TEP1: variants seen among roughly 807,000 people sequenced by gnomAD.
The protein encoded by TEP1 is telomerase protein component 1.
TEP1 carries 241 observed loss-of-function variants against 306.3 expected under a neutral mutation model. That is an observed-to-expected ratio of 0.79 (90% CI 0.71 to 0.88). The LOEUF is 0.88. Among genes scored for constraint, TEP1 ranks in the 40% least tolerant of loss-of-function variants. TEP1 has a pLI of 0.00. For missense variants in TEP1, 3,051 were observed against 3,276.1 expected (o/e 0.93, Z 1.68); for synonymous variants, 1,289 against 1,305.5 (o/e 0.99, Z 0.27).
rs200148837 is a variant in TEP1, at chr14:20,385,485, G to A, written c.2983-376C>T. ...CCTCCTCGGTTCAAGCAATTCTCCT[G>A]CCTCAGCCTCCTGAGTAGCTGGGAT... On this transcript the variant is annotated intron_variant, in intron 20 of 54. Transcript: ENST00000262715. Among the ~76,000 whole-genome samples, 20 of 152,188 alleles carry A rather than the reference G, an allele frequency of 1.3e-4. No individual in the cohort carries two copies. The East Asian group carries it at 3.9e-3, about 29-fold the overall frequency.
rs1188138295 is a variant in TEP1 at position 20,379,085 on chromosome 14, A to C, written c.5148T>G (p.Ser1716Arg). 1.2e-6 allele frequency: 2 copies of C among 1,614,148 alleles called. No homozygotes were observed. The highest frequency in any genetic ancestry group is 3.3e-5 in the Admixed American group (2 of 60,020). Reference sequence around the variant, plus strand: ...AACAAGCAGAGATTCCATCACAGCCACTCACCACAGACTTCTCCTCCTGCG... The same window carrying C: ...AACAAGCAGAGATTCCATCACAGCCCCTCACCACAGACTTCTCCTCCTGCG... ...RTWQEEKSVV[S>R]GCDGISACLF... Residue 1716 changes from serine (S) to arginine (R), a missense_variant, in exon 36 of 55, where the codon AGT becomes AGG. Transcript: ENST00000262715.
intron 2 of TEP1, among the ~76,000 whole-genome samples, chr14:20,407,309 C>A (rs1391445733): frequency 3.3e-5 from 5 of 152,196 alleles, no homozygotes; most frequent in Non-Finnish European, 7.3e-5. Context: ...TAAGCTGGCT[C>A]ACCTGAACAG....
In TEP1 at chr14:20,389,868, T is replaced by G. The variant is rs1332571403; in HGVS notation, c.2335-128A>C. ...GAGGAGTACCTCTCCTGAGAGCACA[T>G]AGAATGAGGGAAGCCACTGCATTTT... On this transcript the variant is annotated intron_variant, in intron 15 of 54. Coordinates refer to ENST00000262715, the MANE Select transcript of TEP1 (RefSeq NM_007110.5). 3 of 1,247,890 alleles carry G rather than the reference T, an allele frequency of 2.4e-6. No individual in the cohort carries two copies. The East Asian group carries it at 7.4e-5, about 31-fold the overall frequency. 77.3% of individuals were successfully genotyped at this position (1,247,890 alleles called of 1,614,324 possible). A position where few individuals can be genotyped will look rare whatever the true frequency, so the allele number is the denominator to read the frequency against.
chr14:20,409,797 G>A (rs1044462523), intron 1 of TEP1, among the ~76,000 whole-genome samples: 3 of 151,996 alleles, frequency 2.0e-5, no homozygotes, highest in Non-Finnish European at 4.4e-5. Context: ...GAGGCGGGCG[G>A]ATCACAAGGT....
chr14:20,406,152 G>A, intron 3 of TEP1, 81 bp downstream of exon 3: 1 of 1,417,346 alleles, frequency 7.1e-7, no homozygotes, highest in Non-Finnish European at 9.8e-7. Context: ...TCCAACTGGG[G>A]AGGGGACCTG....
chr14:20,405,186 T>C (rs1428426455), intron 4 of TEP1, among the ~76,000 whole-genome samples: 1 of 152,220 alleles, frequency 6.6e-6, no homozygotes, highest in Non-Finnish European at 1.5e-5. Flanking sequence ...ATTTGTATGA[T>C]ATTTGGAAAA....
intron 15 of TEP1, 33 bp from the exon 16 acceptor site, chr14:20,389,773 A>T: frequency 6.2e-7 from 1 of 1,612,742 alleles, no homozygotes; most frequent in Non-Finnish European, 8.5e-7. Flanking sequence ...ATGCTAGAGA[A>T]GGGATGCTAG....
intron 27 of TEP1, 87 bp downstream of exon 27, chr14:20,383,087 C>T: frequency 7.0e-7 from 1 of 1,424,592 alleles, no homozygotes; most frequent in Non-Finnish European, 9.5e-7. Context: ...CAGGTCTGTG[C>T]AAGGCAGCTA....
intron 28 of TEP1, 48 bp from the exon 29 acceptor site, chr14:20,382,404 C>G: frequency 6.4e-7 from 1 of 1,571,552 alleles, no homozygotes; most frequent in Non-Finnish European, 8.6e-7. Flanking sequence ...GGAGGAGAAG[C>G]AGCTTGGCTT....
At chr14:20,403,485 A>G (rs1295196753) in intron 6 of TEP1, 37 bp from the exon 7 acceptor site, 8 of 1,613,180 alleles carry the variant, frequency 5.0e-6, no homozygotes, top group Non-Finnish European at 5.9e-6. Flanking sequence ...AAAAAAGGGA[A>G]CTGGCTGTCC....
At chr14:20,389,192 C>A in intron 17 of TEP1, 46 bp downstream of exon 17, 2 of 1,543,954 alleles carry the variant, frequency 1.3e-6, no homozygotes, top group African/African-American at 1.4e-5. Context: ...CTCCTAAAAA[C>A]TTTCCAACAA....
At chr14:20,383,151 C>T in intron 27 of TEP1, 23 bp downstream of exon 27, 1 of 1,559,822 alleles carries the variant, frequency 6.4e-7, no homozygotes, top group Non-Finnish European at 8.7e-7. Flanking sequence ...CACACACCCA[C>T]CGGCCCCGGC....
Position 20,373,706 on chromosome 14 carries a change from G to C in TEP1, c.6576C>G (p.His2192Gln), listed in dbSNP as rs748648622. 1.3e-5 allele frequency: 21 copies of C among 1,614,228 alleles called. No individual in the cohort carries two copies. The highest frequency in any genetic ancestry group is 1.6e-4 in the Middle Eastern group (1 of 6,062). Residue 2192 changes from histidine (H) to glutamine (Q), a missense_variant, in exon 45 of 55, where the codon CAC becomes CAG. His to Gln is a conservative substitution (Grantham distance 24). Around this residue, in one of 3 missense-constraint regions of TEP1, gnomAD observed 1,540 missense variants for 1,705.9 expected, o/e 0.90. Transcript: ENST00000262715. ...SIPAHSGPIS[H>Q]CAAAMEPRAA... ...CACGGGGCTCCATGGCAGCTGCACAGTGGCTAATGGGTCCTGAGTGAGCAG... is the reference window on the plus strand; with the variant it reads ...CACGGGGCTCCATGGCAGCTGCACACTGGCTAATGGGTCCTGAGTGAGCAG...
intron 40 of TEP1, 23 bp downstream of exon 40, chr14:20,377,577 C>T (rs778175315): frequency 1.2e-6 from 2 of 1,613,932 alleles, no homozygotes; most frequent in African/African-American, 1.3e-5. Flanking sequence ...GGCTCAAAAA[C>T]CCACCCATTC....
Position 20,382,036 on chromosome 14 carries a change from A to T in TEP1, c.4301T>A (p.Val1434Glu). The part of the protein sequence containing the change: ...SGLTVDQLHG[V>E]LSVWRTLPKG... ...CGGTAGTGTCCGCCACACACTCAGC[A>T]CTCCGTGCAGCTGGTCCACAGTCAA... The change falls in exon 30 of 55, where the codon GTG (valine) becomes GAG (glutamate). Residue 1434 changes from valine (V) to glutamate (E), a missense_variant. Physicochemically the swap from Val to Glu is moderately radical, Grantham distance 121 (BLOSUM62 -2). Transcript: ENST00000262715. 2 of 1,613,886 alleles carry T rather than the reference A, an allele frequency of 1.2e-6. No homozygotes were observed. The highest frequency in any genetic ancestry group is 1.7e-6 in the Non-Finnish European group (2 of 1,179,968).
chr14:20,398,046 C>A (rs148176617), intron 9 of TEP1, among the ~76,000 whole-genome samples: 2,251 of 151,902 alleles, frequency 0.015, 60 homozygotes, highest in African/African-American at 0.052. Flanking sequence ...AGCCACCATG[C>A]CCAGCCCATA....
intron 23 of TEP1, 32 bp downstream of exon 23, chr14:20,384,359 C>T (rs773397173): frequency 1.2e-6 from 2 of 1,613,496 alleles, no homozygotes; most frequent in Non-Finnish European, 8.5e-7. Flanking sequence ...ATGTCCCTCT[C>T]CATGCCTCTG....
At position 20,381,010 on chromosome 14, in the gene TEP1, G is replaced by C. The variant is rs2228039; in HGVS notation, c.4683C>G (p.Phe1561Leu). ...CAGCCACCACATGGAGGTTGGTAAG[G>C]AACTTCGAAAGAAGTCCACGGTTCC... ...QSGNRGLLSK[F>L]LTNLHVVAAH... Residue 1561 changes from phenylalanine (F) to leucine (L), a missense_variant, in exon 33 of 55, where the codon TTC (phenylalanine) becomes TTG (leucine). By Grantham distance (22) the Phe-to-Leu change is conservative. Coordinates refer to ENST00000262715, the MANE Select transcript of TEP1 (RefSeq NM_007110.5). This position sits in a 1 kb window ranked among gnomAD's most constrained non-coding sequence, Gnocchi z 4.0. 1 of 1,614,072 alleles carries C rather than the reference G, an allele frequency of 6.2e-7. No homozygotes were observed. Among genetic ancestry groups the C allele is most frequent in the Non-Finnish European group, 8.5e-7 (1 of 1,179,992 alleles).
At position 20,369,715 on chromosome 14, in the gene TEP1, C is replaced by T; in HGVS notation, c.7382G>A (p.Ser2461Asn). 2 of 1,614,172 alleles carry T rather than the reference C, an allele frequency of 1.2e-6. No homozygotes were observed. The highest frequency in any genetic ancestry group is 2.2e-5 in the South Asian group (2 of 91,090). ...LNFDINLENPSRTLISITQAK... is the reference protein window; with the variant it reads ...LNFDINLENPNRTLISITQAK... ...TTGAGTTATCGATATTAGGGTCCTA[C>T]TAGGATTCTCTAAGTTTATATCAAA... Residue 2461 changes from serine (S) to asparagine (N), a missense_variant, in exon 52 of 55, where the codon AGT becomes AAT. This residue lies in a region of TEP1 where 1,540 missense variants were observed against 1,705.9 expected (regional missense o/e 0.90). Coordinates refer to ENST00000262715, the MANE Select transcript of TEP1 (RefSeq NM_007110.5).
Sources: gnomAD v4.1 joint callset for allele counts (sites outside exome capture counted in the v4.1 genomes callset) on GRCh38, gnomAD v4.1.1 for gene constraint, gnomAD v4.1.1 regional missense constraint, Gnocchi (gnomAD v3.1) non-coding constraint, MANE v1.5 for transcripts, NCBI Gene and HGNC (gene_info 2026-07-23, HGNC 2026-07-21) for gene names.